Variants in ELMO1 observed in about 807,000 individuals in gnomAD.
ELMO1 encodes engulfment and cell motility 1.
ELMO1 carries 26 observed loss-of-function variants against 98.9 expected under a neutral mutation model. That is an observed-to-expected ratio of 0.26 (90% CI 0.19 to 0.36). ELMO1 has a LOEUF of 0.36. Among genes scored for constraint, ELMO1 ranks in the 10% least tolerant of loss-of-function variants. ELMO1 has a pLI of 1.00. For synonymous variants in ELMO1, 346 were observed against 346.0 expected, an observed-to-expected ratio of 1.00 and a Z score of 0.00; for missense variants, 627 against 935.2, an observed-to-expected ratio of 0.67 and a Z score of 4.30.
At chr7:37,319,543 A>G (rs1328325950) in intron 2 of ELMO1, among the ~76,000 whole-genome samples, 1 of 152,146 alleles carries the variant, frequency 6.6e-6, no homozygotes, top group Non-Finnish European at 1.5e-5. Context: ...TTTCCTGAGT[A>G]CCAGCCCATC....
chr7:37,103,909 C>A (rs900590043), intron 14 of ELMO1, among the ~76,000 whole-genome samples: 1 of 144,224 alleles, frequency 6.9e-6, no homozygotes, highest in Non-Finnish European at 1.5e-5. Flanking sequence ...GAGGCTGAGG[C>A]AGGAGAATGG....
chr7:37,130,479 C>A (rs919565537), intron 14 of ELMO1, among the ~76,000 whole-genome samples: 3 of 152,136 alleles, frequency 2.0e-5, no homozygotes, highest in African/African-American at 7.2e-5. Flanking sequence ...AGATCACTGG[C>A]TGCTGGGCAA....
At chr7:37,229,911 A>G (rs529294410) in intron 8 of ELMO1, among the ~76,000 whole-genome samples, 4 of 152,326 alleles carry the variant, frequency 2.6e-5, no homozygotes, top group Non-Finnish European at 5.9e-5. Flanking sequence ...TGATTTTTGA[A>G]TTAATTTCAA....
chr7:37,187,519 G>A (rs1791286170), intron 13 of ELMO1, among the ~76,000 whole-genome samples: 1 of 152,130 alleles, frequency 6.6e-6, no homozygotes. Context: ...TTGTAAAAGT[G>A]ATTAAATAAA....
At chr7:37,350,732 T>G (rs747058827) in intron 1 of ELMO1, among the ~76,000 whole-genome samples, 6 of 152,222 alleles carry the variant, frequency 3.9e-5, no homozygotes, top group Non-Finnish European at 8.8e-5. Flanking sequence ...GTAGCTGTAT[T>G]TGGAGACAGG....
intron 1 of ELMO1, among the ~76,000 whole-genome samples, chr7:37,443,627 G>A (rs1035515377): frequency 5.9e-5 from 9 of 152,218 alleles, no homozygotes; most frequent in Non-Finnish European, 1.3e-4. Context: ...GACACAAGTA[G>A]TTAATGTAAT....
At chr7:36,890,695 A>T (rs1430007841) in intron 17 of ELMO1, among the ~76,000 whole-genome samples, 1 of 152,122 alleles carries the variant, frequency 6.6e-6, no homozygotes, top group Non-Finnish European at 1.5e-5. Flanking sequence ...TAGCTTTCCC[A>T]TTTGATTTCC....
At chr7:37,309,499 T>C (rs1466466077) in intron 4 of ELMO1, among the ~76,000 whole-genome samples, 1 of 152,234 alleles carries the variant, frequency 6.6e-6, no homozygotes, top group Non-Finnish European at 1.5e-5. Context: ...CCAGGGCTGC[T>C]GGTGTGTCTT....
intron 15 of ELMO1, among the ~76,000 whole-genome samples, chr7:37,020,292 A>C (rs1273554121): frequency 6.6e-6 from 1 of 152,214 alleles, no homozygotes; most frequent in East Asian, 1.9e-4. Flanking sequence ...AAAATTGTAG[A>C]ACTTAGAGAG....
At chr7:37,346,373 C>T (rs1801008595) in intron 1 of ELMO1, among the ~76,000 whole-genome samples, 1 of 152,124 alleles carries the variant, frequency 6.6e-6, no homozygotes, top group African/African-American at 2.4e-5. Context: ...GGATGTTATC[C>T]TCAAGAAATA....
intron 15 of ELMO1, among the ~76,000 whole-genome samples, chr7:37,088,790 T>C (rs1783916624): frequency 6.6e-6 from 1 of 152,240 alleles, no homozygotes; most frequent in African/African-American, 2.4e-5. Context: ...AAATGACTTT[T>C]ATGCTCTCTC....
intron 5 of ELMO1, chr7:37,270,363 G>C (rs1796489462): frequency 6.6e-6 from 1 of 152,168 alleles, no homozygotes; most frequent in African/African-American, 2.4e-5. Context: ...TGGGCAAAAT[G>C]TTTAGGAGTT....
At chr7:37,079,800 C>G (rs1049351852) in intron 15 of ELMO1, among the ~76,000 whole-genome samples, 1 of 152,176 alleles carries the variant, frequency 6.6e-6, no homozygotes, top group African/African-American at 2.4e-5. Context: ...CTCTTCTCCC[C>G]AGCCTCTAAA....
intron 15 of ELMO1, among the ~76,000 whole-genome samples, chr7:37,014,283 C>T (rs534496733): frequency 2.0e-5 from 3 of 152,126 alleles, no homozygotes; most frequent in African/African-American, 7.2e-5. Context: ...TCTTACCACT[C>T]GTATCTTATG....
chr7:36,949,331 G>A (rs1486782588), intron 16 of ELMO1, among the ~76,000 whole-genome samples: 1 of 152,156 alleles, frequency 6.6e-6, no homozygotes, highest in African/African-American at 2.4e-5. Context: ...ACAAATGGAG[G>A]ATATAAATAT....
rs531832527 is a variant in ELMO1 at position 37,082,869 on chromosome 7, C to A, written c.1300+13750G>T. 3.6e-4 allele frequency among the ~76,000 whole-genome samples: 55 copies of A among 152,326 alleles called. 1 individual carries two copies. The highest frequency in any genetic ancestry group is 1.5e-4 in the Non-Finnish European group (10 of 68,032). ...CCTATTCCCCAGGAGCCCTTTATAA[C>A]AAGGCCTGTGGGCATTTCCATAATT... On this transcript the variant is annotated intron_variant, in intron 15 of 21. Transcript: ENST00000310758.
At chr7:37,447,714 C>CCACCCACACACACACA (rs1323474343) in intron 1 of ELMO1, among the ~76,000 whole-genome samples, 7 of 132,136 alleles carry the variant, frequency 5.3e-5, no homozygotes, top group African/African-American at 2.2e-4. Flanking sequence ...CGCGCACACA[C>CCACCCACACACACACA]CACACACACA....
At chr7:37,010,025 G>C (rs1793436608) in intron 16 of ELMO1, among the ~76,000 whole-genome samples, 1 of 152,158 alleles carries the variant, frequency 6.6e-6, no homozygotes, top group Non-Finnish European at 1.5e-5. Context: ...AAAAAAATCA[G>C]AAAGGCAGTC....
chr7:37,297,383 C>G (rs949630946), intron 4 of ELMO1, among the ~76,000 whole-genome samples: 11 of 152,010 alleles, frequency 7.2e-5, no homozygotes, highest in Middle Eastern at 3.4e-3. Flanking sequence ...GCTATGTGAC[C>G]TAAAACTCCC....
Sources: gnomAD v4.1 joint callset for allele counts (sites outside exome capture counted in the v4.1 genomes callset) on GRCh38, gnomAD v4.1.1 for gene constraint, MANE v1.5 for transcripts, NCBI Gene and HGNC (gene_info 2026-07-23, HGNC 2026-07-21) for gene names.